Variants in POLD1 observed in about 807,000 individuals in gnomAD.
POLD1 encodes the protein DNA polymerase delta 1, catalytic subunit.
A neutral mutation model predicts 129.7 loss-of-function variants in POLD1; 79 were observed. The ratio of observed to expected loss-of-function variants is 0.61; its 90% CI spans 0.51 to 0.73. The LOEUF (loss-of-function observed/expected upper bound fraction) is 0.73. Ranked by LOEUF, POLD1 falls within the 30% of genes least tolerant of loss-of-function variation. POLD1 has a pLI of 0.00. For synonymous variants in POLD1, 714 were observed against 683.3 expected (o/e 1.04, Z -0.70); for missense variants, 1,338 against 1,595.8 (o/e 0.84, Z 2.75).
intron 26 of POLD1, 92 bp from the exon 27 acceptor site, chr19:50,417,750 G>A: frequency 1.3e-6 from 1 of 759,384 alleles, no homozygotes; most frequent in Non-Finnish European, 2.3e-6. Context: ...CAGCAGGCGG[G>A]GACCAAAGTC....
rs2039220477 is a variant in POLD1, at chr19:50,414,926, A to G, written c.2500A>G (p.Arg834Gly). Residue 834 changes from arginine (R) to glycine (G), a missense_variant, in exon 20 of 27, where the codon AGG (arginine) becomes GGG (glycine). Transcript: ENST00000440232. ...CTGCAAGGGCCTGGAGGCCGTGCGC[A>G]GGGACAACTGCCCCCTCGTGGCCAA... ...MDCKGLEAVR[R>G]DNCPLVANLV... The G allele has an allele frequency of 1.2e-6, 2 of 1,610,088 alleles. No individual in the cohort carries two copies. Among genetic ancestry groups the G allele is most frequent in the Non-Finnish European group, 1.7e-6 (2 of 1,177,526 alleles).
intron 1 of POLD1, among the ~76,000 whole-genome samples, chr19:50,398,570 CAAAAAAAAAAA>C (rs35689550): frequency 4.7e-5 from 3 of 64,220 alleles, no homozygotes; most frequent in Non-Finnish European, 2.6e-5. Flanking sequence ...AATTCCATCT[CAAAAAAAAAAA>C]AAAAAAAAAA....
Position 50,417,844 on chromosome 19 carries a change from G to A in POLD1, c.3221G>A (p.Arg1074Gln), listed in dbSNP as rs541931950. 2.3e-5 allele frequency: 36 copies of A among 1,596,340 alleles called. No homozygotes were observed. Among genetic ancestry groups the A allele is most frequent in the South Asian group, 1.0e-4 (9 of 88,860 alleles). ...SLHEDVICTS[R>Q]DCPIFYMRKK... ...CCTGCCCCTGCCCCCACCCGCAGCC[G>A]GGACTGCCCCATCTTCTACATGCGC... The change falls in exon 27 of 27, where the codon CGG (arginine) becomes CAG (glutamine). Residue 1074 changes from arginine to glutamine, a missense_variant and splice_region_variant. Transcript: ENST00000440232.
intron 1 of POLD1, among the ~76,000 whole-genome samples, chr19:50,397,425 G>A (rs1367173771): frequency 6.9e-6 from 1 of 144,550 alleles, no homozygotes; most frequent in Non-Finnish European, 1.5e-5. Context: ...TTTTTTCTGA[G>A]ACGGAGTCTT....
intron 17 of POLD1, among the ~76,000 whole-genome samples, chr19:50,410,140 C>T (rs1008411270): frequency 3.3e-5 from 5 of 152,178 alleles, no homozygotes; most frequent in Non-Finnish European, 7.3e-5. Flanking sequence ...CCCACGGCAG[C>T]GTCCCGGTCT....
chr19:50,407,267 A>G lies in POLD1; in HGVS notation c.1687-60A>G, dbSNP rs1423321818. 5 of 1,536,022 alleles carry G rather than the reference A, an allele frequency of 3.3e-6. No individual in the cohort carries two copies. In the East Asian group the frequency reaches 9.2e-5, roughly 28 times the overall value. ...CATCCTGGATGCACTTTTTCTCCCCACTCCCAATCCGCACGGCCCCACCTA... is the reference window on the plus strand; with the variant it reads ...CATCCTGGATGCACTTTTTCTCCCCGCTCCCAATCCGCACGGCCCCACCTA... On this transcript the variant is annotated intron_variant, in intron 13 of 26. Coordinates refer to ENST00000440232, the MANE Select transcript of POLD1 (RefSeq NM_002691.4).
At chr19:50,414,778 C>T in intron 19 of POLD1, 37 bp from the exon 20 acceptor site, 1 of 1,464,328 alleles carries the variant, frequency 6.8e-7, no homozygotes, top group Non-Finnish European at 9.1e-7. Context: ...GGCTTGGCCT[C>T]CTCAGGCTCA....
At chr19:50,417,019 A>C (rs1340223850) in intron 24 of POLD1, 26 bp from the exon 25 acceptor site, 2 of 1,546,088 alleles carry the variant, frequency 1.3e-6, no homozygotes, top group South Asian at 2.4e-5. Flanking sequence ...GGGCCCCAGC[A>C]CTTGGGCTGA....
In POLD1 at chr19:50,413,862, CGGCTGGAGTTTGAGAAGGTGCGT is replaced by C; in HGVS notation, c.2378_2388+12del. 6.2e-7 allele frequency: 1 copy of C among 1,604,350 alleles called. No homozygotes were observed. The highest frequency in any genetic ancestry group is 8.5e-7 in the Non-Finnish European group (1 of 1,174,978). The stretch of plus-strand genomic sequence containing the variant: ...GTCAGGTCACTTCCCGTCGCCCATC[CGGCTGGAGTTTGAGAAGGTGCGT>C]GGCTGGGTCAGGGGCTCTGCATTTA... On this transcript the variant is annotated splice_donor_variant and splice_donor_5th_base_variant and coding_sequence_variant and intron_variant, in exon 19 of 27. Coordinates refer to ENST00000440232, the MANE Select transcript of POLD1 (RefSeq NM_002691.4). LOFTEE classifies it high-confidence loss of function.
At position 50,415,719 on chromosome 19, in the gene POLD1, C is replaced by G. The variant is rs368965066; in HGVS notation, c.2718-5C>G. ...TCACCCACCCGCCACCCCATCTCCA[C>G]GCAGGATGAGGAAGCGGGACCCCGG... On this transcript the variant is annotated splice_region_variant and splice_polypyrimidine_tract_variant and intron_variant, in intron 21 of 26. Coordinates refer to ENST00000440232, the MANE Select transcript of POLD1 (RefSeq NM_002691.4). 1 of 1,535,160 alleles carries G rather than the reference C, an allele frequency of 6.5e-7. No individual in the cohort carries two copies. Among genetic ancestry groups the G allele is most frequent in the East Asian group, 2.4e-5 (1 of 41,576 alleles).
intron 22 of POLD1, 165 bp downstream of exon 22, chr19:50,415,991 C>A: frequency 1.7e-6 from 1 of 604,088 alleles, no homozygotes; most frequent in East Asian, 2.8e-5. Flanking sequence ...CTCTGGAGGT[C>A]CCCCCTCTAT....
intron 19 of POLD1, 88 bp from the exon 20 acceptor site, chr19:50,414,727 C>CA: frequency 9.0e-7 from 1 of 1,115,878 alleles, no homozygotes; most frequent in Non-Finnish European, 1.3e-6. Context: ...GCGTCTGGGA[C>CA]CCTGTCTACC....
rs535619337 is a variant in POLD1 at position 50,417,660 on chromosome 19, C to A, written c.3219-182C>A. Among the ~76,000 whole-genome samples, 537 of 149,140 alleles carry A rather than the reference C, an allele frequency of 3.6e-3. 2 individuals are homozygous for A. The highest frequency in any genetic ancestry group is 6.1e-3 in the Non-Finnish European group (412 of 67,598). On this transcript the variant is annotated intron_variant, in intron 26 of 26. Coordinates refer to ENST00000440232, the MANE Select transcript of POLD1 (RefSeq NM_002691.4). ...GGCCCTGCACCTCGCCAGGCACCCG[C>A]TGTTATCGGCTCCCCCCCCCCACCC... is the stretch of plus-strand genomic sequence containing the variant.
In POLD1 at chr19:50,416,500, C is replaced by T. The variant is rs376743216; in HGVS notation, c.2925C>T (p.Gly975=). The change falls in exon 23 of 27, where the codon GGC becomes GGT. Residue 975 remains glycine, a synonymous_variant. Coordinates refer to ENST00000440232, the MANE Select transcript of POLD1 (RefSeq NM_002691.4). ...TGCGCATCTTCGAGCCCATCCTGGG[C>T]GAGGGCCGTGCCGAGGCTGTGCTAC... ...PLLRIFEPIL[G]EGRAEAVLLR... 5.2e-6 allele frequency: 8 copies of T among 1,552,124 alleles called. No homozygotes were observed. Among genetic ancestry groups the T allele is most frequent in the African/African-American group, 1.4e-5 (1 of 73,192 alleles).
In POLD1 at chr19:50,408,938, C is replaced by T. The variant is rs376980851; in HGVS notation, c.1892+37C>T. 4.4e-6 allele frequency: 7 copies of T among 1,573,124 alleles called. No homozygotes were observed. In the East Asian group the frequency reaches 9.0e-5, roughly 20 times the overall value. On this transcript the variant is annotated intron_variant, in intron 15 of 26. Transcript: ENST00000440232. ...AATTCAGCATGTGTCCCCCGAGGCCCATCTGGGCCTTCCCTTGGGGGGCTC... is the reference window on the plus strand; with the variant it reads ...AATTCAGCATGTGTCCCCCGAGGCCTATCTGGGCCTTCCCTTGGGGGGCTC...
chr19:50,401,717 G>A, intron 3 of POLD1, 61 bp from the exon 4 acceptor site: 1 of 1,580,160 alleles, frequency 6.3e-7, no homozygotes, highest in Non-Finnish European at 8.6e-7. Context: ...TCGAGGCTGT[G>A]GAGACACACC....
intron 1 of POLD1, among the ~76,000 whole-genome samples, chr19:50,391,264 G>C (rs1030198026): frequency 8.5e-5 from 13 of 152,192 alleles, no homozygotes; most frequent in African/African-American, 2.7e-4. Context: ...TGGGCGGCCA[G>C]GCAGAGATGC....
At chr19:50,417,671 T>TCCCCCCCCCCCCCCCCC (rs3840923) in intron 26 of POLD1, among the ~76,000 whole-genome samples, 171 bp from the exon 27 acceptor site, 48 of 110,506 alleles carry the variant, frequency 4.3e-4, no homozygotes, top group Non-Finnish European at 6.5e-4. Flanking sequence ...TGTTATCGGC[T>TCCCCCCCCCCCCCCCCC]CCCCCCCCCC....
At chr19:50,387,502 GAGGGGACACAC>G (rs889358386) in intron 1 of POLD1, among the ~76,000 whole-genome samples, 8 of 152,272 alleles carry the variant, frequency 5.3e-5, no homozygotes, top group Middle Eastern at 3.4e-3. Context: ...GGGCCAATGA[GAGGGGACACAC>G]AGGGGCCTTT....
Sources: gnomAD v4.1 joint callset for allele counts (sites outside exome capture counted in the v4.1 genomes callset) on GRCh38, gnomAD v4.1.1 for gene constraint, MANE v1.5 for transcripts, NCBI Gene and HGNC (gene_info 2026-07-23, HGNC 2026-07-21) for gene names.